Variants in C8orf34 observed in about 807,000 individuals in gnomAD.
C8orf34 encodes chromosome 8 open reading frame 34, also known as uncharacterized protein C8orf34.
Under a neutral mutation model 68.3 loss-of-function variants are expected in C8orf34, and 65 were observed. That is an observed-to-expected ratio of 0.95 (90% CI 0.78 to 1.17). The LOEUF is 1.17. Among genes scored for constraint, C8orf34 ranks in the 50% most tolerant of loss-of-function variants. C8orf34 has a pLI of 0.00. For missense variants in C8orf34, 664 were observed against 655.4 expected, an observed-to-expected ratio of 1.01 and a Z score of -0.14; for synonymous variants, 244 against 241.2, an observed-to-expected ratio of 1.01 and a Z score of -0.11.
intron 10 of C8orf34, among the ~76,000 whole-genome samples, chr8:68,737,855 T>C (rs2129527122): frequency 6.6e-6 from 1 of 152,002 alleles, no homozygotes; most frequent in Non-Finnish European, 1.5e-5. Flanking sequence ...CAGTTGTAAA[T>C]AGATCATCAA....
chr8:68,446,792 GA>G, intron 3 of C8orf34: 1 of 310,320 alleles, frequency 3.2e-6, no homozygotes, highest in Non-Finnish European at 5.8e-6. Flanking sequence ...TATATTTAAT[GA>G]AGTATGTAAA....
intron 10 of C8orf34, among the ~76,000 whole-genome samples, chr8:68,774,261 AG>A (rs1247432474): frequency 1.3e-5 from 2 of 150,826 alleles, no homozygotes; most frequent in East Asian, 3.9e-4. Context: ...TGTCCGAATG[AG>A]GGTAAGATAG....
chr8:68,549,756 T>A (rs901942324), intron 7 of C8orf34, among the ~76,000 whole-genome samples: 5 of 151,744 alleles, frequency 3.3e-5, no homozygotes, highest in African/African-American at 9.7e-5. Flanking sequence ...CTGTCAGTTC[T>A]CATCTTGTGT....
intron 7 of C8orf34, among the ~76,000 whole-genome samples, chr8:68,559,166 A>G (rs967512665): frequency 7.9e-5 from 12 of 152,190 alleles, no homozygotes; most frequent in Non-Finnish European, 4.4e-5. Flanking sequence ...AGTTATCCCT[A>G]GATTTGGAGA....
At chr8:68,360,316 CA>C (rs1428659082) in intron 1 of C8orf34, among the ~76,000 whole-genome samples, 2 of 152,200 alleles carry the variant, frequency 1.3e-5, no homozygotes, top group Non-Finnish European at 2.9e-5. Flanking sequence ...CCATTCCAAA[CA>C]GTGATATTTA....
intron 10 of C8orf34, among the ~76,000 whole-genome samples, chr8:68,724,863 A>T (rs1821782169): frequency 1.3e-5 from 2 of 151,772 alleles, no homozygotes; most frequent in Non-Finnish European, 2.9e-5. Context: ...TGGCTTTCTT[A>T]TTTTTTTTCT....
In C8orf34 at chr8:68,369,577, T is replaced by A. The variant is rs1348424596; in HGVS notation, c.327+38238T>A. 2.0e-5 allele frequency among the ~76,000 whole-genome samples: 3 copies of A among 152,216 alleles called. No individual in the cohort carries two copies. The East Asian group carries it at 5.8e-4, about 29-fold the overall frequency. On this transcript the variant is annotated intron_variant, in intron 1 of 13. Transcript: ENST00000518698. ...GAAGGAGTTTGAGCTACCTGACATG[T>A]AACTTACCTGTGCATTCTGGATTGC...
chr8:68,504,450 T>A (rs1417427213), intron 5 of C8orf34, among the ~76,000 whole-genome samples: 1 of 152,160 alleles, frequency 6.6e-6, no homozygotes, highest in East Asian at 1.9e-4. Flanking sequence ...ATACAGAGGA[T>A]AGGGAATGCT....
intron 5 of C8orf34, 33 bp downstream of exon 5, chr8:68,488,084 A>G: frequency 6.7e-7 from 1 of 1,485,960 alleles, no homozygotes; most frequent in Non-Finnish European, 9.2e-7. Context: ...TGAAAAGAAA[A>G]TGTAGAACTT....
At chr8:68,419,885 G>A (rs182032163) in intron 1 of C8orf34, among the ~76,000 whole-genome samples, 4 of 148,218 alleles carry the variant, frequency 2.7e-5, no homozygotes, top group East Asian at 4.0e-4. Context: ...GCGAGATGAC[G>A]AGTTAGTGGG....
intron 8 of C8orf34, among the ~76,000 whole-genome samples, chr8:68,708,661 C>A (rs1821243758): frequency 6.6e-6 from 1 of 152,116 alleles, no homozygotes; most frequent in Non-Finnish European, 1.5e-5. Flanking sequence ...ACTGTGTTGG[C>A]CTCTTGTTTT....
chr8:68,676,729 C>G (rs1438119674), intron 8 of C8orf34, among the ~76,000 whole-genome samples: 1 of 152,060 alleles, frequency 6.6e-6, no homozygotes, highest in Non-Finnish European at 1.5e-5. Flanking sequence ...TGTATTAGTT[C>G]GTTTTCATGC....
chr8:68,574,879 G>C (rs569568270), intron 7 of C8orf34, among the ~76,000 whole-genome samples: 1 of 151,858 alleles, frequency 6.6e-6, no homozygotes, highest in African/African-American at 2.4e-5. Flanking sequence ...CAGTAAACAT[G>C]TCTTCTTTAA....
chr8:68,679,761 C>T (rs1820310207), intron 8 of C8orf34, among the ~76,000 whole-genome samples: 1 of 152,018 alleles, frequency 6.6e-6, no homozygotes, highest in African/African-American at 2.4e-5. Flanking sequence ...AATAGAGAAC[C>T]CAGAAAGAAA....
chr8:68,725,342 A>G (rs1821798695), intron 10 of C8orf34, among the ~76,000 whole-genome samples: 1 of 152,064 alleles, frequency 6.6e-6, no homozygotes, highest in Non-Finnish European at 1.5e-5. Context: ...TTATAATCTG[A>G]CTCTCATAAG....
chr8:68,346,402 C>T (rs367991471), intron 1 of C8orf34, among the ~76,000 whole-genome samples: 1 of 151,910 alleles, frequency 6.6e-6, no homozygotes, highest in Non-Finnish European at 1.5e-5. Flanking sequence ...ACATCCTCCA[C>T]CAGAGTGTAA....
intron 1 of C8orf34, among the ~76,000 whole-genome samples, chr8:68,433,968 A>T (rs1052388913): frequency 6.6e-5 from 10 of 152,208 alleles, no homozygotes; most frequent in Non-Finnish European, 1.2e-4. Context: ...TCTAAATAGC[A>T]CTACAAGGTT....
intron 10 of C8orf34, among the ~76,000 whole-genome samples, chr8:68,727,313 A>C (rs1053627715): frequency 2.0e-5 from 3 of 152,206 alleles, no homozygotes; most frequent in African/African-American, 4.8e-5. Flanking sequence ...CTGATGCAAG[A>C]GGTGGGTTCC....
chr8:68,779,180 AACACACACACACACACACACACACAC>A (rs10550333), intron 11 of C8orf34, among the ~76,000 whole-genome samples: 13 of 139,246 alleles, frequency 9.3e-5, no homozygotes, highest in Admixed American at 1.5e-4. Context: ...CTGTCTCTGA[AACACACACACACACACACACACACAC>A]ACACACACAC....
Sources: allele counts gnomAD v4.1 joint callset (sites outside exome capture counted in the v4.1 genomes callset), GRCh38; gene constraint gnomAD v4.1.1; transcripts MANE v1.5; gene names NCBI Gene and HGNC (gene_info 2026-07-23, HGNC 2026-07-21).